PAPPA2: variants seen among roughly 807,000 people sequenced by gnomAD.
PAPPA2 encodes the protein pappalysin 2.
In PAPPA2, 86 loss-of-function variants were observed where a neutral mutation model predicts 176.4. The ratio of observed to expected loss-of-function variants is 0.49; its 90% confidence interval spans 0.41 to 0.58. The LOEUF is 0.58. PAPPA2 is among the 20% of genes least tolerant of loss of function. PAPPA2 has a pLI of 0.00. For missense variants in PAPPA2, 2,073 were observed against 2,256.9 expected (o/e 0.92, Z 1.65); for synonymous variants, 809 against 852.2 (o/e 0.95, Z 0.88).
chr1:176,595,083 T>C lies in PAPPA2; in HGVS notation c.1479T>C (p.Pro493=), dbSNP rs1653890171. 2.5e-6 allele frequency: 4 copies of C among 1,613,972 alleles called. No individual in the cohort carries two copies. In the African/African-American group the frequency reaches 5.3e-5, roughly 22 times the overall value. The change falls in exon 3 of 23, where the codon CCT becomes CCC. Residue 493 remains proline, a synonymous_variant. Coordinates refer to ENST00000367662, the MANE Select transcript of PAPPA2 (RefSeq NM_020318.3). ...GFEPEPEILS[P]LQPPLCGQTV... Reference sequence around the variant, plus strand: ...AGCCAGAGCCTGAGATTCTGTCGCCTTTGCAGCCCCCACTCTGTGGGCAAA... The same window carrying C: ...AGCCAGAGCCTGAGATTCTGTCGCCCTTGCAGCCCCCACTCTGTGGGCAAA...
chr1:176,702,038 T>C (rs1388229242), intron 8 of PAPPA2, among the ~76,000 whole-genome samples: 2 of 152,210 alleles, frequency 1.3e-5, no homozygotes, highest in Non-Finnish European at 2.9e-5. Flanking sequence ...AGTTGTTTAA[T>C]GCATTTCTAA....
At chr1:176,760,319 G>T (rs1188625157) in intron 14 of PAPPA2, among the ~76,000 whole-genome samples, 1 of 152,158 alleles carries the variant, frequency 6.6e-6, no homozygotes. Flanking sequence ...GTTTAATATA[G>T]TAAAACATAA....
rs905744839 is a variant in PAPPA2, at chr1:176,667,847, C to G, written c.1992-3123C>G. On this transcript the variant is annotated intron_variant, in intron 3 of 22. Coordinates refer to ENST00000367662, the MANE Select transcript of PAPPA2 (RefSeq NM_020318.3). ...ATCAATCTACAATAAGGCTATTTAA[C>G]TGACTAATAAACTACAGCACAAAGA... is the stretch of plus-strand genomic sequence containing the variant. 4.6e-5 allele frequency among the ~76,000 whole-genome samples: 7 copies of G among 152,270 alleles called. No individual in the cohort carries two copies. In the South Asian group the frequency reaches 1.5e-3, roughly 32 times the overall value.
At chr1:176,467,590 A>G (rs1651684393) in intron 1 of PAPPA2, among the ~76,000 whole-genome samples, 1 of 152,220 alleles carries the variant, frequency 6.6e-6, no homozygotes, top group Non-Finnish European at 1.5e-5. Context: ...TGGATGCCTC[A>G]TTTATTCAGT....
intron 3 of PAPPA2, among the ~76,000 whole-genome samples, chr1:176,659,540 T>A (rs1379701048): frequency 6.6e-6 from 1 of 152,096 alleles, no homozygotes; most frequent in Non-Finnish European, 1.5e-5. Flanking sequence ...TTCACAGGTA[T>A]TCAGGGTTAG....
intron 3 of PAPPA2, among the ~76,000 whole-genome samples, chr1:176,611,987 C>G (rs1015040776): frequency 2.0e-5 from 3 of 152,218 alleles, no homozygotes; most frequent in Non-Finnish European, 4.4e-5. Context: ...TGTTTAGGTG[C>G]TAGTTACAAC....
chr1:176,516,577 T>C (rs772296038), intron 1 of PAPPA2, among the ~76,000 whole-genome samples: 1 of 152,092 alleles, frequency 6.6e-6, no homozygotes, highest in Non-Finnish European at 1.5e-5. Flanking sequence ...TCAGTGCCCT[T>C]ATAAAAGAGC....
intron 2 of PAPPA2, among the ~76,000 whole-genome samples, chr1:176,566,883 A>G (rs1453300437): frequency 1.3e-5 from 2 of 152,172 alleles, no homozygotes; most frequent in Non-Finnish European, 2.9e-5. Flanking sequence ...GGTGTTTACT[A>G]ACAGAAAGGC....
intron 1 of PAPPA2, among the ~76,000 whole-genome samples, chr1:176,527,800 C>T (rs1649578391): frequency 6.6e-6 from 1 of 152,118 alleles, no homozygotes; most frequent in South Asian, 2.1e-4. Flanking sequence ...AGGGGCAGAA[C>T]TGGCACTGAG....
intron 3 of PAPPA2, among the ~76,000 whole-genome samples, chr1:176,603,557 C>G (rs945219366): frequency 1.6e-4 from 24 of 152,192 alleles, no homozygotes; most frequent in African/African-American, 5.8e-4. Context: ...TCACTTCTTA[C>G]CCAGAGCGCT....
intron 19 of PAPPA2, among the ~76,000 whole-genome samples, chr1:176,792,436 C>A (rs1665219987): frequency 6.6e-6 from 1 of 152,174 alleles, no homozygotes; most frequent in Admixed American, 6.5e-5. Context: ...ACAGTGATGT[C>A]TTGTGGTCAG....
intron 3 of PAPPA2, among the ~76,000 whole-genome samples, chr1:176,611,676 C>T (rs1156491177): frequency 1.3e-5 from 2 of 152,152 alleles, no homozygotes; most frequent in Admixed American, 1.3e-4. Context: ...CAGTAGTAAC[C>T]TCTCCTATCT....
At chr1:176,585,686 T>TA (rs1653263407) in intron 2 of PAPPA2, among the ~76,000 whole-genome samples, 1 of 142,318 alleles carries the variant, frequency 7.0e-6, no homozygotes. Context: ...TTAAAATATA[T>TA]TTTTTTTGTC....
At chr1:176,463,566 C>G (rs541324593) in intron 1 of PAPPA2, 148 bp downstream of exon 1, 1 of 152,224 alleles carries the variant, frequency 6.6e-6, no homozygotes, top group East Asian at 1.9e-4. Flanking sequence ...GCCCTGTAAG[C>G]GGGGATGAGC....
intron 1 of PAPPA2, among the ~76,000 whole-genome samples, chr1:176,466,672 G>C (rs1036208091): frequency 6.6e-6 from 1 of 152,096 alleles, no homozygotes; most frequent in African/African-American, 2.4e-5. Flanking sequence ...AGGTATGAAG[G>C]CTTTCTAGGT....
intron 15 of PAPPA2, among the ~76,000 whole-genome samples, chr1:176,766,303 T>A (rs1192001389): frequency 5.3e-5 from 8 of 152,202 alleles, no homozygotes; most frequent in Non-Finnish European, 1.0e-4. Context: ...AGAGATTCTG[T>A]CATGATTCTC....
intron 12 of PAPPA2, among the ~76,000 whole-genome samples, chr1:176,718,987 G>A (rs1251154632): frequency 6.6e-6 from 1 of 151,834 alleles, no homozygotes; most frequent in African/African-American, 2.4e-5. Flanking sequence ...GTTTCCATCG[G>A]GTACTGAGAG....
chr1:176,507,088 A>G (rs1417811162), intron 1 of PAPPA2, among the ~76,000 whole-genome samples: 2 of 152,124 alleles, frequency 1.3e-5, no homozygotes, highest in Non-Finnish European at 2.9e-5. Context: ...AAACAAATCA[A>G]CAAGCAAAAA....
intron 7 of PAPPA2, among the ~76,000 whole-genome samples, chr1:176,697,717 G>T (rs548636250): frequency 1.3e-5 from 2 of 152,138 alleles, no homozygotes; most frequent in Non-Finnish European, 2.9e-5. Flanking sequence ...ATTCCCTTAT[G>T]TTCCTCCACT....
Sources: allele counts gnomAD v4.1 joint callset (sites outside exome capture counted in the v4.1 genomes callset), GRCh38; gene constraint gnomAD v4.1.1; transcripts MANE v1.5; gene names NCBI Gene and HGNC (gene_info 2026-07-23, HGNC 2026-07-21).